The following METTL6 variants were observed in gnomAD, a reference collection of about 807,000 sequenced individuals.
METTL6 encodes the protein tRNA N(3)-cytidine methyltransferase METTL6.
Under a neutral mutation model 26.4 loss-of-function variants are expected in METTL6, and 22 were observed. That is an observed-to-expected ratio of 0.83 (90% CI 0.59 to 1.19). The LOEUF is 1.19. Ranked by LOEUF, METTL6 falls within the 50% of genes most tolerant of loss-of-function variation. METTL6 has a pLI of 0.00. For synonymous variants in METTL6, 109 were observed against 116.2 expected (o/e 0.94, Z 0.40); for missense variants, 304 against 324.8 (o/e 0.94, Z 0.49).
intron 6 of METTL6, among the ~76,000 whole-genome samples, chr3:15,395,548 T>G (rs1395965128): frequency 1.3e-5 from 2 of 152,176 alleles, no homozygotes; most frequent in African/African-American, 4.8e-5. Context: ...CATTATGATG[T>G]TAGCTGGTTA....
downstream of METTL6, among the ~76,000 whole-genome samples, chr3:15,408,353 CA>C (rs1699857749): frequency 1.3e-5 from 2 of 151,966 alleles, no homozygotes; most frequent in South Asian, 4.1e-4. Flanking sequence ...CTTCTATGTT[CA>C]AAAAATGAGG....
At chr3:15,426,262 C>CAG (rs1314909773) in intron 2 of METTL6, 25 bp downstream of exon 2, 3 of 1,602,482 alleles carry the variant, frequency 1.9e-6, no homozygotes, top group Non-Finnish European at 2.6e-6. Flanking sequence ...AAGAACAGCT[C>CAG]AGATAAGGCG....
At chr3:15,419,374 TCTGTTCA>T in intron 3 of METTL6, among the ~76,000 whole-genome samples, 1 of 152,236 alleles carries the variant, frequency 6.6e-6, no homozygotes, top group South Asian at 2.1e-4. Flanking sequence ...TTTTTGCCTG[TCTGTTCA>T]CTGTTTAACT....
exon 7 of METTL6, chr3:15,384,031 A>T: frequency 2.9e-6 from 1 of 341,364 alleles, no homozygotes; most frequent in Non-Finnish European, 5.5e-6. Flanking sequence ...TGAAAACAAA[A>T]GGTCTCTGGA....
downstream of METTL6, among the ~76,000 whole-genome samples, chr3:15,408,366 CT>C (rs1306330370): frequency 6.6e-6 from 1 of 152,078 alleles, no homozygotes; most frequent in Non-Finnish European, 1.5e-5. Flanking sequence ...AAAATGAGGA[CT>C]GAGGGAAATG....
chr3:15,397,926 C>A lies in METTL6; in HGVS notation c.*11+13319G>T, dbSNP rs145245532. ...GTTTCTTGCATGTCTGACACCCATG[C>A]TTTACCTGGACCTACTGATCAACAG... On this transcript the variant is annotated intron_variant, in intron 6 of 6. Transcript: ENST00000443029. Among the ~76,000 whole-genome samples, 3 of 152,288 alleles carry A rather than the reference C, an allele frequency of 2.0e-5. No individual in the cohort carries two copies. The East Asian group carries it at 5.8e-4, about 29-fold the overall frequency.
At chr3:15,385,169 A>C (rs1699159019) in intron 6 of METTL6, among the ~76,000 whole-genome samples, 1 of 152,190 alleles carries the variant, frequency 6.6e-6, no homozygotes, top group African/African-American at 2.4e-5. Context: ...ATTACCCAAA[A>C]TGCTATCACA....
At chr3:15,397,425 GT>G (rs1264134417) in intron 6 of METTL6, among the ~76,000 whole-genome samples, 2 of 152,124 alleles carry the variant, frequency 1.3e-5, no homozygotes, top group Non-Finnish European at 2.9e-5. Context: ...CTGACCCCTT[GT>G]GCTTCCCCGG....
intron 4 of METTL6, among the ~76,000 whole-genome samples, chr3:15,415,293 A>T (rs1357205125): frequency 6.6e-6 from 1 of 152,206 alleles, no homozygotes; most frequent in Non-Finnish European, 1.5e-5. Flanking sequence ...GGAAACCAAT[A>T]CTCAACAGGG....
chr3:15,412,733 T>C (rs927857514), intron 5 of METTL6, among the ~76,000 whole-genome samples: 1 of 152,014 alleles, frequency 6.6e-6, no homozygotes, highest in Non-Finnish European at 1.5e-5. Context: ...CAAGTGATCC[T>C]TCTATCTCAG....
At chr3:15,426,701 C>A in intron 1 of METTL6, 66 bp from the exon 2 acceptor site, 1 of 607,002 alleles carries the variant, frequency 1.6e-6, no homozygotes, top group Non-Finnish European at 2.9e-6. Context: ...TTCAATTCAC[C>A]AAATGTTTAT....
chr3:15,408,777 A>C (rs1408689913), downstream of METTL6, among the ~76,000 whole-genome samples: 1 of 151,998 alleles, frequency 6.6e-6, no homozygotes, highest in Non-Finnish European at 1.5e-5. Flanking sequence ...GGGTCTTGCT[A>C]CATCACCCAG....
chr3:15,395,659 A>G (rs1389637811), intron 6 of METTL6, among the ~76,000 whole-genome samples: 1 of 151,958 alleles, frequency 6.6e-6, no homozygotes, highest in Non-Finnish European at 1.5e-5. Context: ...TTCCATGTTT[A>G]GTGCTTCCTT....
At chr3:15,394,863 G>A (rs1253092969) in intron 6 of METTL6, among the ~76,000 whole-genome samples, 3 of 152,258 alleles carry the variant, frequency 2.0e-5, no homozygotes, top group Non-Finnish European at 2.9e-5. Flanking sequence ...TGGTCTGAGA[G>A]ACAGTTTGTT....
At chr3:15,411,499 C>T (rs188251154) in intron 5 of METTL6, 62 bp from the exon 6 acceptor site, 1 of 1,502,108 alleles carries the variant, frequency 6.7e-7, no homozygotes, top group East Asian at 2.3e-5. Flanking sequence ...CTTTGCAGTC[C>T]TTGAGGAGGG....
intron 6 of METTL6, among the ~76,000 whole-genome samples, chr3:15,392,129 A>T (rs545383342): frequency 1.3e-5 from 2 of 152,202 alleles, no homozygotes; most frequent in East Asian, 1.9e-4. Flanking sequence ...TGTAAAAGTG[A>T]TCCTATTTCT....
intron 3 of METTL6, among the ~76,000 whole-genome samples, chr3:15,416,549 C>T (rs533685312): frequency 2.4e-4 from 36 of 152,298 alleles, no homozygotes; most frequent in Non-Finnish European, 4.6e-4. Flanking sequence ...GCCACTATGT[C>T]CTGCTGGCCT....
chr3:15,406,629 T>TAGAGAGAGAGAG (rs1211289541), downstream of METTL6, among the ~76,000 whole-genome samples: 4 of 20,728 alleles, frequency 1.9e-4, no homozygotes, highest in African/African-American at 4.6e-4. Context: ...TATATATATA[T>TAGAGAGAGAGAG]AGAGAGAGAG....
intron 6 of METTL6, among the ~76,000 whole-genome samples, chr3:15,387,468 C>T (rs1187254706): frequency 6.6e-6 from 1 of 152,216 alleles, no homozygotes; most frequent in Non-Finnish European, 1.5e-5. Context: ...TAGGTCTCAG[C>T]TTTATTTTAC....
Sources: gnomAD v4.1 joint callset for allele counts (sites outside exome capture counted in the v4.1 genomes callset) on GRCh38, gnomAD v4.1.1 for gene constraint, MANE v1.5 for transcripts, NCBI Gene and HGNC (gene_info 2026-07-23, HGNC 2026-07-21) for gene names.